DHX32: variants seen among roughly 807,000 people sequenced by gnomAD.
DHX32 encodes DEAH-box helicase 32 (putative).
A neutral mutation model predicts 70.0 loss-of-function variants in DHX32; 51 were observed. The ratio of observed to expected loss-of-function variants is 0.73; its 90% CI spans 0.58 to 0.92. The LOEUF (loss-of-function observed/expected upper bound fraction) is 0.92. DHX32 is among the 40% of genes least tolerant of loss of function. The probability of loss-of-function intolerance (pLI) is 0.00; values close to 1 mark genes in which losing one functional copy is unlikely to be tolerated. For synonymous variants in DHX32, 310 were observed against 315.3 expected (o/e 0.98, Z 0.18); for missense variants, 762 against 891.8 (o/e 0.85, Z 1.85).
chr10:125,859,970 C>T lies in DHX32; in HGVS notation c.482G>A (p.Cys161Tyr), dbSNP rs1363994456. 1 of 1,555,000 alleles carries T rather than the reference C, an allele frequency of 6.4e-7. No individual in the cohort carries two copies. Among genetic ancestry groups the T allele is most frequent in the Non-Finnish European group, 8.7e-7 (1 of 1,155,338 alleles). ...TTCTCTTTGCAGCATATCATCAGTACAATACCTATAAAGAAGAAACATTAA... is the reference window on the plus strand; with the variant it reads ...TTCTCTTTGCAGCATATCATCAGTATAATACCTATAAAGAAGAAACATTAA... ...CCTNETILRYCTDDMLQREMM... is the reference protein window; with the variant it reads ...CCTNETILRYYTDDMLQREMM... The change falls in exon 3 of 11, where the codon TGT (cysteine) becomes TAT (tyrosine). Residue 161 changes from cysteine (C) to tyrosine (Y), a missense_variant. Physicochemically the swap from Cys to Tyr is radical, Grantham distance 194. Transcript: ENST00000284690.
At chr10:125,880,404 G>A in intron 1 of DHX32, 139 bp downstream of exon 1, 1 of 879,140 alleles carries the variant, frequency 1.1e-6, no homozygotes, top group South Asian at 2.3e-5. Context: ...TTAGGTACGT[G>A]ATTTAATTAT....
At chr10:125,849,071 C>T (rs1227170268) in intron 6 of DHX32, among the ~76,000 whole-genome samples, 2 of 152,210 alleles carry the variant, frequency 1.3e-5, no homozygotes, top group African/African-American at 4.8e-5. Flanking sequence ...TTCCACCTTT[C>T]ATCCCAGCTT....
chr10:125,865,094 A>C (rs1297964856), intron 2 of DHX32, among the ~76,000 whole-genome samples: 1 of 152,120 alleles, frequency 6.6e-6, no homozygotes, highest in Admixed American at 6.6e-5. Context: ...AAGATATAAT[A>C]TTAACTTCAG....
intron 1 of DHX32, among the ~76,000 whole-genome samples, chr10:125,867,550 C>A (rs1276706748): frequency 6.6e-6 from 1 of 152,052 alleles, no homozygotes; most frequent in African/African-American, 2.4e-5. Context: ...TCCTGGCTAA[C>A]ATGGTGAAAC....
At chr10:125,890,308 T>C (rs375613002) in intron 1 of DHX32, among the ~76,000 whole-genome samples, 2,263 of 152,316 alleles carry the variant, frequency 0.015, 5 homozygotes, top group African/African-American at 0.05. Flanking sequence ...ACAATGGACC[T>C]AATCATTACT....
chr10:125,870,455 G>A (rs1328101633), intron 1 of DHX32, among the ~76,000 whole-genome samples: 1 of 152,158 alleles, frequency 6.6e-6, no homozygotes, highest in Admixed American at 6.5e-5. Context: ...GAGTATAATT[G>A]CCACTACATC....
upstream of DHX32, among the ~76,000 whole-genome samples, chr10:125,883,479 C>T (rs936609838): frequency 7.9e-5 from 12 of 152,234 alleles, no homozygotes; most frequent in Admixed American, 3.9e-4. Flanking sequence ...CCCAAGCCAC[C>T]GGGAAGAGAC....
chr10:125,842,429 A>G lies in DHX32; in HGVS notation c.1352-495T>C, dbSNP rs191560576. 214 of 153,112 alleles carry G rather than the reference A, an allele frequency of 1.4e-3. 1 individual carries two copies. Among genetic ancestry groups the G allele is most frequent in the Non-Finnish European group, 2.0e-3 (134 of 68,668 alleles). The allele number at this position is 153,112 out of a possible 1,614,324, so 9.5% of individuals were successfully genotyped here. ...GATTAGAAGGAACAGTGGTGCTGAC[A>G]CAGGACCTAGGGTAGGGCCTGTTCC... On this transcript the variant is annotated intron_variant, in intron 6 of 10. Transcript: ENST00000284690.
In DHX32 at chr10:125,880,680, A is replaced by T. The variant is rs776434435; in HGVS notation, c.145T>A (p.Ser49Thr). ...ELNPFDGLPYSSRYYKLLKER... is the reference protein window; with the variant it reads ...ELNPFDGLPYTSRYYKLLKER... ...TTCAGAAGTTTATAATAACGTGATG[A>T]ATATGGCAATCCATCAAAGGGGTTA... is the stretch of plus-strand genomic sequence containing the variant. The change falls in exon 1 of 11, where the codon TCA (serine) becomes ACA (threonine). Residue 49 changes from serine to threonine, a missense_variant. Around this residue, in one of 3 missense-constraint regions of DHX32, gnomAD observed 394 missense variants for 473.1 expected, o/e 0.83. Coordinates refer to ENST00000284690, the MANE Select transcript of DHX32 (RefSeq NM_018180.3). 1.9e-6 allele frequency: 3 copies of T among 1,614,212 alleles called. No homozygotes were observed. In the South Asian group the frequency reaches 3.3e-5, roughly 18 times the overall value.
chr10:125,836,869 A>T lies in DHX32; in HGVS notation c.2064-14T>A. On this transcript the variant is annotated splice_polypyrimidine_tract_variant and intron_variant, in intron 10 of 10. Coordinates refer to ENST00000284690, the MANE Select transcript of DHX32 (RefSeq NM_018180.3). ...AGCTGCATAAATCTGTTTATTTAAGACAAAAAGATGAGATTATGAGTGGGG... is the reference window on the plus strand; with the variant it reads ...AGCTGCATAAATCTGTTTATTTAAGTCAAAAAGATGAGATTATGAGTGGGG... 6.2e-7 allele frequency: 1 copy of T among 1,612,702 alleles called. No homozygotes were observed. The highest frequency in any genetic ancestry group is 1.7e-5 in the Admixed American group (1 of 59,954).
chr10:125,836,730 C>A lies in DHX32; in HGVS notation c.2189G>T (p.Cys730Phe), dbSNP rs199520716. 2.5e-6 allele frequency: 4 copies of A among 1,614,208 alleles called. No homozygotes were observed. The East Asian group carries it at 8.9e-5, about 36-fold the overall frequency. The change falls in exon 11 of 11, where the codon TGT becomes TTT. Residue 730 changes from cysteine to phenylalanine, a missense_variant. By Grantham distance (205) the Cys-to-Phe change is radical (BLOSUM62 -2). Coordinates refer to ENST00000284690, the MANE Select transcript of DHX32 (RefSeq NM_018180.3). ...CTGTTCAGTTTCAGGGCACGTCTCACACATTTGCTGTTCCTTATTCATTGT... is the reference window on the plus strand; with the variant it reads ...CTGTTCAGTTTCAGGGCACGTCTCAAACATTTGCTGTTCCTTATTCATTGT... ...VSTMNKEQQM[C>F]ETCPETEQRC...
At chr10:125,860,650 T>A (rs1944180896) in intron 2 of DHX32, among the ~76,000 whole-genome samples, 1 of 152,130 alleles carries the variant, frequency 6.6e-6, no homozygotes, top group Non-Finnish European at 1.5e-5. Context: ...GATGATTTTT[T>A]AAAATTAAAA....
chr10:125,892,685 T>C (rs1944378337), intron 1 of DHX32, among the ~76,000 whole-genome samples: 2 of 152,230 alleles, frequency 1.3e-5, no homozygotes, highest in South Asian at 4.1e-4. Flanking sequence ...ACATTGTGAA[T>C]GTGGAATCAA....
At chr10:125,893,377 G>T (rs1025742400) in intron 1 of DHX32, among the ~76,000 whole-genome samples, 1 of 152,162 alleles carries the variant, frequency 6.6e-6, no homozygotes, top group Admixed American at 6.5e-5. Context: ...CCGAGTAGCT[G>T]GGACTACGGG....
intron 1 of DHX32, among the ~76,000 whole-genome samples, chr10:125,895,874 G>T (rs1944486129): frequency 6.6e-6 from 1 of 152,386 alleles, no homozygotes; most frequent in South Asian, 2.1e-4. Context: ...GCTCACTGGG[G>T]ACGACAGCGA....
intron 1 of DHX32, among the ~76,000 whole-genome samples, chr10:125,888,549 T>A (rs1326777200): frequency 6.6e-6 from 1 of 152,272 alleles, no homozygotes; most frequent in Non-Finnish European, 1.5e-5. Context: ...TATATTTGCA[T>A]GAAGGGTGAA....
intron 2 of DHX32, among the ~76,000 whole-genome samples, chr10:125,864,534 A>ATCCTAAGCCTAACAT (rs1257413270): frequency 6.6e-6 from 1 of 152,202 alleles, no homozygotes; most frequent in Admixed American, 6.5e-5. Flanking sequence ...CCATAAAACA[A>ATCCTAAGCCTAACAT]TCCTAAGCCT....
At chr10:125,841,654 C>T in intron 7 of DHX32, 89 bp downstream of exon 7, 1 of 1,526,230 alleles carries the variant, frequency 6.6e-7, no homozygotes, top group Non-Finnish European at 8.7e-7. Context: ...GCTCTGTGCT[C>T]CTCAAAATAT....
intron 1 of DHX32, among the ~76,000 whole-genome samples, chr10:125,870,298 A>T (rs1443187917): frequency 1.3e-5 from 2 of 152,210 alleles, no homozygotes; most frequent in African/African-American, 4.8e-5. Context: ...GCAGAATTTC[A>T]GTACTGAAAG....
Sources: allele counts gnomAD v4.1 joint callset (sites outside exome capture counted in the v4.1 genomes callset), GRCh38; gene constraint gnomAD v4.1.1; regional missense constraint gnomAD v4.1.1; transcripts MANE v1.5; gene names NCBI Gene and HGNC (gene_info 2026-07-23, HGNC 2026-07-21).